Variants in RMI1 observed in about 807,000 individuals in gnomAD.
The protein encoded by RMI1 is recQ-mediated genome instability protein 1.
In RMI1, 36 loss-of-function variants were observed where a neutral mutation model predicts 46.7. The observed-to-expected ratio is 0.77, with a 90% CI of 0.59 to 1.02. RMI1 has a LOEUF of 1.02. Ranked by LOEUF, RMI1 falls within the 50% of genes least tolerant of loss-of-function variation. The pLI is 0.00. For missense variants in RMI1, 676 were observed against 713.7 expected (o/e 0.95, Z 0.60); for synonymous variants, 250 against 252.9 (o/e 0.99, Z 0.11).
chr9:84,002,983 C>T lies in RMI1; in HGVS notation c.*119C>T, dbSNP rs1588476174. 5 of 586,656 alleles carry T rather than the reference C, an allele frequency of 8.5e-6. No individual in the cohort carries two copies. Among genetic ancestry groups the T allele is most frequent in the South Asian group, 3.3e-5 (1 of 30,582 alleles). The allele number at this position is 586,656 out of a possible 1,614,324, so 36.3% of individuals were successfully genotyped here. On this transcript the variant is annotated 3_prime_UTR_variant, in exon 3 of 3. Coordinates refer to ENST00000445877, the MANE Select transcript of RMI1 (RefSeq NM_001358291.2). ...AAAAATGAAATTTCATAGCTTATTTCAGTTTAATTTTAAAGTGTTTAATCA... is the reference window on the plus strand; with the variant it reads ...AAAAATGAAATTTCATAGCTTATTTTAGTTTAATTTTAAAGTGTTTAATCA...
chr9:83,997,045 C>G (rs1306989020), intron 1 of RMI1, among the ~76,000 whole-genome samples: 13 of 150,456 alleles, frequency 8.6e-5, no homozygotes, highest in Admixed American at 2.0e-4. Context: ...GATTCCCCCC[C>G]CCTTTTTTTT....
intron 1 of RMI1, among the ~76,000 whole-genome samples, chr9:83,984,710 C>G (rs141922562): frequency 1.5e-3 from 226 of 151,314 alleles, no homozygotes; most frequent in African/African-American, 5.2e-3. Flanking sequence ...TACAGGCATG[C>G]GCCACCAGGC....
chr9:83,982,520 T>A (rs1270793625), intron 1 of RMI1, among the ~76,000 whole-genome samples: 1 of 151,466 alleles, frequency 6.6e-6, no homozygotes, highest in Non-Finnish European at 1.5e-5. Flanking sequence ...AAAAAAAAAT[T>A]AGCCGGGTGT....
chr9:83,994,997 C>T (rs1957628788), intron 1 of RMI1, among the ~76,000 whole-genome samples: 1 of 151,942 alleles, frequency 6.6e-6, no homozygotes, highest in South Asian at 2.1e-4. Context: ...AAATTTCAAC[C>T]ATTATTTATT....
At chr9:84,000,880 A>G (rs1957726821) in intron 2 of RMI1, 71 bp from the exon 3 acceptor site, 2 of 778,722 alleles carry the variant, frequency 2.6e-6, no homozygotes, top group Non-Finnish European at 4.1e-6. Context: ...CTGTCTGTGC[A>G]TTGTAGAGAA....
chr9:83,998,501 A>T (rs1171135990), intron 1 of RMI1, among the ~76,000 whole-genome samples: 1 of 152,214 alleles, frequency 6.6e-6, no homozygotes, highest in Non-Finnish European at 1.5e-5. Flanking sequence ...AGAAGTACAG[A>T]ACAAAAGAGG....
chr9:83,995,773 A>G (rs1308083155), intron 1 of RMI1, among the ~76,000 whole-genome samples: 1 of 152,070 alleles, frequency 6.6e-6, no homozygotes, highest in Non-Finnish European at 1.5e-5. Context: ...GGTAATTTCT[A>G]ATGCATAAGT....
Position 84,001,455 on chromosome 9 carries a change from C to A in RMI1, c.469C>A (p.Leu157Ile). The A allele has an allele frequency of 6.2e-7, 1 of 1,614,034 alleles. No individual in the cohort carries two copies. The highest frequency in any genetic ancestry group is 8.5e-7 in the Non-Finnish European group (1 of 1,179,948). The change falls in exon 3 of 3, where the codon CTT becomes ATT. Residue 157 changes from leucine to isoleucine, a missense_variant. Leu to Ile is a conservative substitution (Grantham distance 5, BLOSUM62 2). Coordinates refer to ENST00000445877, the MANE Select transcript of RMI1 (RefSeq NM_001358291.2). ...AATGGAATATCAGCCTATTCCAATTCTTCATAGTGATCTTCCTCCAGGTAC... is the reference window on the plus strand; with the variant it reads ...AATGGAATATCAGCCTATTCCAATTATTCATAGTGATCTTCCTCCAGGTAC... ...QGMEYQPIPI[L>I]HSDLPPGTKI...
intron 1 of RMI1, among the ~76,000 whole-genome samples, chr9:83,997,011 T>C (rs999032551): frequency 4.0e-5 from 6 of 149,930 alleles, no homozygotes; most frequent in Non-Finnish European, 8.9e-5. Flanking sequence ...TGCAGGGCTC[T>C]GGGTGGTTTT....
In RMI1 at chr9:84,001,236, T is replaced by C; in HGVS notation, c.250T>C (p.Phe84Leu). 1 of 1,614,124 alleles carries C rather than the reference T, an allele frequency of 6.2e-7. No individual in the cohort carries two copies. Among genetic ancestry groups the C allele is most frequent in the Non-Finnish European group, 8.5e-7 (1 of 1,179,996 alleles). ...AATTCCAAAAGGAGAATTAAATGGA[T>C]TTTATGCTCTGCAGATTAATTCCTT... is the stretch of plus-strand genomic sequence containing the variant. Reference protein sequence around the residue: ...LEIPKGELNGFYALQINSLVD... With the variant: ...LEIPKGELNGLYALQINSLVD... Residue 84 changes from phenylalanine (F) to leucine (L), a missense_variant, in exon 3 of 3, where the codon TTT becomes CTT. Coordinates refer to ENST00000445877, the MANE Select transcript of RMI1 (RefSeq NM_001358291.2).
rs1353378344 is a variant in RMI1 at position 84,003,326 on chromosome 9, A to T, written c.*462A>T. ...ATGGCCTCCAAAGTTTACTTTTTTT[A>T]AAAGTAACTGTTAGATGGAGGAATA... is the stretch of plus-strand genomic sequence containing the variant. On this transcript the variant is annotated 3_prime_UTR_variant, in exon 3 of 3. Coordinates refer to ENST00000445877, the MANE Select transcript of RMI1 (RefSeq NM_001358291.2). 3.6e-5 allele frequency: 6 copies of T among 167,346 alleles called. No homozygotes were observed. The highest frequency in any genetic ancestry group is 1.5e-5 in the Non-Finnish European group (1 of 68,358). The allele number at this position is 167,346 out of a possible 1,614,324, so 10.4% of individuals were successfully genotyped here. A position where few individuals can be genotyped will look rare whatever the true frequency, so the allele number is the denominator to read the frequency against.
Position 84,002,224 on chromosome 9 carries a change from AT to A in RMI1, c.1242del (p.Phe414LeufsTer8). Reference sequence around the variant, plus strand: ...CATTGTAATGTACCCTTAGCCCATGATTTTACAAATAAAGAAAAGAACTTAG... The same window carrying A: ...CATTGTAATGTACCCTTAGCCCATGATTTACAAATAAAGAAAAGAACTTAG... ...SVHCNVPLAH[D>X]FTNKEKNLET... On this transcript the variant is annotated frameshift_variant, in exon 3 of 3. Transcript: ENST00000445877. LOFTEE classifies it high-confidence loss of function. The A allele has an allele frequency of 6.2e-7, 1 of 1,607,718 alleles. No individual in the cohort carries two copies. The highest frequency in any genetic ancestry group is 1.7e-5 in the Admixed American group (1 of 57,914).
Position 83,990,653 on chromosome 9 carries a change from TGATA to T in RMI1, c.-125-9051_-125-9048del, listed in dbSNP as rs201169268. ...AGAAAGAAATGATAAATGTGTGAAG[TGATA>T]GATATCCTAATTACCCTGATTTGAT... On this transcript the variant is annotated intron_variant, in intron 1 of 2. Transcript: ENST00000445877. Among the ~76,000 whole-genome samples, 14 of 152,312 alleles carry T rather than the reference TGATA, an allele frequency of 9.2e-5. No individual in the cohort carries two copies. The East Asian group carries it at 2.3e-3, about 25-fold the overall frequency.
rs761851900 is a variant in RMI1 at position 84,001,996 on chromosome 9, A to G, written c.1010A>G (p.Gln337Arg). The part of the protein sequence containing the change: ...QKEQMETKEL[Q>R]PLTFNRNADR... ...GAACAGATGGAAACTAAGGAATTGCAACCATTGACTTTTAACAGAAATGCC... is the reference window on the plus strand; with the variant it reads ...GAACAGATGGAAACTAAGGAATTGCGACCATTGACTTTTAACAGAAATGCC... Residue 337 changes from glutamine (Q) to arginine (R), a missense_variant, in exon 3 of 3, where the codon CAA becomes CGA. Transcript: ENST00000445877. 1.9e-6 allele frequency: 3 copies of G among 1,614,094 alleles called. No homozygotes were observed. Among genetic ancestry groups the G allele is most frequent in the Middle Eastern group, 1.7e-4 (1 of 6,060 alleles).
chr9:83,981,171 T>C (rs934236002), intron 1 of RMI1, among the ~76,000 whole-genome samples: 1 of 152,174 alleles, frequency 6.6e-6, no homozygotes, highest in African/African-American at 2.4e-5. Context: ...GGGGCGAGCC[T>C]GGGAGTACTG....
At chr9:83,983,142 T>A (rs1588455986) in intron 1 of RMI1, among the ~76,000 whole-genome samples, 2 of 152,222 alleles carry the variant, frequency 1.3e-5, no homozygotes, top group African/African-American at 4.8e-5. Flanking sequence ...TTTCCTGAGT[T>A]CCCCACTGTG....
At chr9:83,981,864 AT>A (rs1186067209) in intron 1 of RMI1, among the ~76,000 whole-genome samples, 2 of 152,200 alleles carry the variant, frequency 1.3e-5, no homozygotes, top group Admixed American at 1.3e-4. Flanking sequence ...TACTTGACTG[AT>A]TAGAGGAAAA....
chr9:83,996,098 G>A (rs933254346), intron 1 of RMI1, among the ~76,000 whole-genome samples: 8 of 152,158 alleles, frequency 5.3e-5, no homozygotes, highest in African/African-American at 1.7e-4. Context: ...ACGTTGGATT[G>A]TTTTTTCCTG....
chr9:83,989,348 G>C (rs1239219112), intron 1 of RMI1, among the ~76,000 whole-genome samples: 1 of 152,124 alleles, frequency 6.6e-6, no homozygotes, highest in Non-Finnish European at 1.5e-5. Flanking sequence ...ATTATATTAA[G>C]CTAAAAAGCT....
Sources: gnomAD v4.1 joint callset for allele counts (sites outside exome capture counted in the v4.1 genomes callset) on GRCh38, gnomAD v4.1.1 for gene constraint, MANE v1.5 for transcripts, NCBI Gene and HGNC (gene_info 2026-07-23, HGNC 2026-07-21) for gene names.